TBC1D19: variants seen among roughly 807,000 people sequenced by gnomAD.
The protein encoded by TBC1D19 is TBC1 domain family, member 19.
Under a neutral mutation model 89.0 loss-of-function variants are expected in TBC1D19, and 60 were observed. That is an observed-to-expected ratio of 0.67 (90% CI 0.55 to 0.84). The LOEUF (loss-of-function observed/expected upper bound fraction) is 0.84, where lower values mean the gene tolerates loss of function less well. Ranked by LOEUF, TBC1D19 falls within the 40% of genes least tolerant of loss-of-function variation. The pLI, the probability that TBC1D19 is intolerant of heterozygous loss-of-function variation, is 0.00. For missense variants in TBC1D19, 500 were observed against 610.8 expected, an observed-to-expected ratio of 0.82 and a Z score of 1.91; for synonymous variants, 189 against 199.7, an observed-to-expected ratio of 0.95 and a Z score of 0.45.
chr4:26,720,067 G>GT lies in TBC1D19; in HGVS notation c.1040-10dup. 1 of 1,590,158 alleles carries GT rather than the reference G, an allele frequency of 6.3e-7. No homozygotes were observed. The highest frequency in any genetic ancestry group is 8.6e-7 in the Non-Finnish European group (1 of 1,168,364). ...CTTAATCATATTGAAATCCTCTATG[G>GT]TTTTCTCTTATAGGAAAACTAGGAC... On this transcript the variant is annotated splice_polypyrimidine_tract_variant and intron_variant, in intron 14 of 20. Transcript: ENST00000264866.
chr4:26,807,660 C>T, the TBC1D19 span, among the ~76,000 whole-genome samples: 1 of 152,176 alleles, frequency 6.6e-6, no homozygotes, highest in Non-Finnish European at 1.5e-5. Context: ...TATCAGTTTG[C>T]CCAGGCACGA....
chr4:26,744,365 A>G (rs190443619), intron 18 of TBC1D19, among the ~76,000 whole-genome samples: 136 of 150,654 alleles, frequency 9.0e-4, no homozygotes, highest in African/African-American at 3.2e-3. Context: ...TTGTTTTTCT[A>G]CTTTAATTTT....
At chr4:26,634,238 G>C (rs907544947) in intron 4 of TBC1D19, among the ~76,000 whole-genome samples, 1 of 152,060 alleles carries the variant, frequency 6.6e-6, no homozygotes, top group Non-Finnish European at 1.5e-5. Flanking sequence ...TACATATCAA[G>C]CAATTCAATG....
At chr4:26,747,434 T>G (rs1718711827) in intron 18 of TBC1D19, among the ~76,000 whole-genome samples, 1 of 152,230 alleles carries the variant, frequency 6.6e-6, no homozygotes, top group Admixed American at 6.5e-5. Context: ...CTTTGTTATA[T>G]TAGAACAATA....
the TBC1D19 span, among the ~76,000 whole-genome samples, chr4:26,825,704 C>G: frequency 1.3e-5 from 2 of 152,262 alleles, no homozygotes; most frequent in Non-Finnish European, 1.5e-5. Flanking sequence ...GGGTGCAACT[C>G]CCAGCCCTAC....
At chr4:26,621,029 C>T (rs992614302) in intron 4 of TBC1D19, among the ~76,000 whole-genome samples, 3 of 152,126 alleles carry the variant, frequency 2.0e-5, no homozygotes, top group African/African-American at 4.8e-5. Context: ...AACTGACACC[C>T]TCTTTCCTTA....
intron 13 of TBC1D19, among the ~76,000 whole-genome samples, chr4:26,702,877 C>T (rs756146289): frequency 6.6e-6 from 1 of 152,254 alleles, no homozygotes; most frequent in Middle Eastern, 3.4e-3. Flanking sequence ...CCCCTGCCCC[C>T]GGGCCCAGCA....
the TBC1D19 span, among the ~76,000 whole-genome samples, chr4:26,773,659 G>A: frequency 7.2e-5 from 11 of 152,254 alleles, no homozygotes; most frequent in South Asian, 2.3e-3. Context: ...TAAGGAAGGA[G>A]TTCAGTTTCA....
At chr4:26,778,388 C>T in the TBC1D19 span, among the ~76,000 whole-genome samples, 3 of 146,372 alleles carry the variant, frequency 2.0e-5, no homozygotes, top group African/African-American at 7.6e-5. Flanking sequence ...TGCACTCCAG[C>T]CTGGACAACA....
In TBC1D19 at chr4:26,666,380, AGAT is replaced by A; in HGVS notation, c.643_645del (p.Asp215del). ...GCTTAAATATAGGACAACTGGGTAT[AGAT>A]GATTCTACACAAGTGCCTCCTGGTT... On this transcript the variant is annotated inframe_deletion, in exon 9 of 21. Coordinates refer to ENST00000264866, the MANE Select transcript of TBC1D19 (RefSeq NM_018317.4). The A allele has an allele frequency of 6.2e-7, 1 of 1,610,790 alleles. No homozygotes were observed. Among genetic ancestry groups the A allele is most frequent in the Non-Finnish European group, 8.5e-7 (1 of 1,178,082 alleles).
rs543986304 is a variant in TBC1D19 at position 26,595,565 on chromosome 4, A to G, written c.99+11273A>G. 9.9e-5 allele frequency among the ~76,000 whole-genome samples: 15 copies of G among 152,190 alleles called. No individual in the cohort carries two copies. In the East Asian group the frequency reaches 2.7e-3, roughly 27 times the overall value. On this transcript the variant is annotated intron_variant, in intron 1 of 20. Coordinates refer to ENST00000264866, the MANE Select transcript of TBC1D19 (RefSeq NM_018317.4). ...ATTTCTATGTGTTACATTTAGGTCT[A>G]TGCTTCATTTGGAGTTAATTTTTGT...
intron 1 of TBC1D19, among the ~76,000 whole-genome samples, chr4:26,610,417 T>C (rs1381938069): frequency 6.7e-5 from 10 of 150,228 alleles, no homozygotes; most frequent in Non-Finnish European, 1.2e-4. Flanking sequence ...TGCATTTCTT[T>C]TTTTTTTTTT....
chr4:26,816,465 C>A, the TBC1D19 span, among the ~76,000 whole-genome samples: 1 of 152,070 alleles, frequency 6.6e-6, no homozygotes, highest in African/African-American at 2.4e-5. Context: ...TTTGCATAAT[C>A]CCCAAATATC....
intron 7 of TBC1D19, among the ~76,000 whole-genome samples, chr4:26,644,686 T>G (rs1180445786): frequency 6.6e-6 from 1 of 152,206 alleles, no homozygotes; most frequent in Admixed American, 6.5e-5. Flanking sequence ...TCATCTCAGC[T>G]GCAAATCTCC....
chr4:26,771,100 A>G, the TBC1D19 span, among the ~76,000 whole-genome samples: 1 of 152,084 alleles, frequency 6.6e-6, no homozygotes, highest in East Asian at 1.9e-4. Context: ...AAGACACTCA[A>G]TATCACTAAT....
At chr4:26,804,635 G>A in the TBC1D19 span, among the ~76,000 whole-genome samples, 1 of 152,128 alleles carries the variant, frequency 6.6e-6, no homozygotes, top group African/African-American at 2.4e-5. Flanking sequence ...ACCGGGCGCA[G>A]CCCAGGACGG....
At chr4:26,794,193 T>A in the TBC1D19 span, among the ~76,000 whole-genome samples, 1 of 152,184 alleles carries the variant, frequency 6.6e-6, no homozygotes, top group Non-Finnish European at 1.5e-5. Flanking sequence ...AAGAAAAAAA[T>A]TCTTATTTTA....
rs187826097 is a variant in TBC1D19 at position 26,605,210 on chromosome 4, C to T, written c.100-7959C>T. Among the ~76,000 whole-genome samples the T allele has an allele frequency of 8.5e-5, 10 of 118,090 alleles. 1 individual carries two copies. The highest frequency in any genetic ancestry group is 4.4e-4 in the Admixed American group (5 of 11,290). The allele number at this position is 118,090 out of a possible 152,430, so 77.5% of individuals were successfully genotyped here. A position where few individuals can be genotyped will look rare whatever the true frequency, so the allele number is the denominator to read the frequency against. The stretch of plus-strand genomic sequence containing the variant: ...TAATGCTATCCCTCCCCCCTCCCCC[C>T]ACCCCACAACAGTCCCCGGAGTGTG... On this transcript the variant is annotated intron_variant, in intron 1 of 20. Transcript: ENST00000264866.
chr4:26,794,749 T>A, the TBC1D19 span, among the ~76,000 whole-genome samples: 1 of 152,216 alleles, frequency 6.6e-6, no homozygotes, highest in Non-Finnish European at 1.5e-5. Flanking sequence ...CCATAGAAAA[T>A]TTTTTTAAAG....
Sources: allele counts gnomAD v4.1 joint callset (sites outside exome capture counted in the v4.1 genomes callset), GRCh38; gene constraint gnomAD v4.1.1; transcripts MANE v1.5; gene names NCBI Gene and HGNC (gene_info 2026-07-23, HGNC 2026-07-21).